The following TENM2 variants were observed in gnomAD, a reference collection of about 807,000 sequenced individuals.
TENM2 encodes teneurin transmembrane protein 2.
TENM2 carries 52 observed loss-of-function variants against 245.2 expected under a neutral mutation model. The ratio of observed to expected loss-of-function variants is 0.21; its 90% CI spans 0.17 to 0.27. The LOEUF is 0.27. Ranked by LOEUF, TENM2 falls within the 10% of genes least tolerant of loss-of-function variation. TENM2 has a pLI of 1.00. For missense variants in TENM2, 3,046 were observed against 3,666.8 expected (o/e 0.83, Z 4.37); for synonymous variants, 1,363 against 1,438.9 (o/e 0.95, Z 1.19).
At chr5:168,131,391 G>A (rs1245420099) in intron 12 of TENM2, among the ~76,000 whole-genome samples, 1 of 152,226 alleles carries the variant, frequency 6.6e-6, no homozygotes, top group Non-Finnish European at 1.5e-5. Flanking sequence ...GTGAGGCTGA[G>A]TGACCTGCCC....
At position 168,247,737 on chromosome 5, in the gene TENM2, C is replaced by T. The variant is rs200885156; in HGVS notation, c.6798C>T (p.Asp2266=). 130 of 1,613,904 alleles carry T rather than the reference C, an allele frequency of 8.1e-5. No homozygotes were observed. Among genetic ancestry groups the T allele is most frequent in the African/African-American group, 7.1e-4 (53 of 75,058 alleles). Residue 2266 remains aspartate (D), a synonymous_variant, in exon 27 of 29, where the codon GAC becomes GAT. Transcript: ENST00000518659. The surrounding 1 kb of genome is among the most constrained non-coding windows in gnomAD (Gnocchi z 7.8). The stretch of plus-strand genomic sequence containing the variant: ...GGGATGTGCAGTACAAAATTGACGA[C>T]GATGGCTATCTGTGCCAGAGAGGGT...
intron 28 of TENM2, 98 bp downstream of exon 30, chr5:168,260,511 C>T: frequency 1.4e-6 from 2 of 1,417,530 alleles, no homozygotes; most frequent in Admixed American, 1.8e-5. Flanking sequence ...CGCAGGAAAA[C>T]ATTGGAGCTG....
intron 1 of TENM2, among the ~76,000 whole-genome samples, chr5:167,350,804 G>T (rs1370735669): frequency 9.8e-5 from 12 of 121,916 alleles, no homozygotes; most frequent in South Asian, 5.4e-4. Context: ...TATATATATG[G>T]GATATATACA....
At chr5:167,419,750 C>A (rs1763381397) in intron 2 of TENM2, among the ~76,000 whole-genome samples, 2 of 152,204 alleles carry the variant, frequency 1.3e-5, no homozygotes, top group African/African-American at 4.8e-5. Flanking sequence ...TATGCAACTT[C>A]TCTTCAGTAA....
chr5:167,388,941 T>G (rs908286189), intron 2 of TENM2, among the ~76,000 whole-genome samples: 1 of 152,060 alleles, frequency 6.6e-6, no homozygotes, highest in Non-Finnish European at 1.5e-5. Context: ...TTCTCCCTTA[T>G]GTTATCAGAG....
the TENM2 span, among the ~76,000 whole-genome samples, chr5:167,191,178 A>G: frequency 6.6e-6 from 1 of 152,106 alleles, no homozygotes; most frequent in Admixed American, 6.6e-5. Context: ...AGGAATATAT[A>G]TATACACCCA....
chr5:167,443,675 G>T (rs1203925616), intron 2 of TENM2, among the ~76,000 whole-genome samples: 1 of 152,132 alleles, frequency 6.6e-6, no homozygotes, highest in Non-Finnish European at 1.5e-5. Flanking sequence ...TGTCCTAAAA[G>T]AGGTGAGGAT....
intron 2 of TENM2, among the ~76,000 whole-genome samples, chr5:167,785,896 A>G (rs1764544322): frequency 6.6e-6 from 1 of 152,180 alleles, no homozygotes; most frequent in Non-Finnish European, 1.5e-5. Flanking sequence ...GCACCTGCCT[A>G]CTTACTTTGT....
intron 1 of TENM2, among the ~76,000 whole-genome samples, chr5:167,359,989 A>C (rs748973301): frequency 3.9e-5 from 6 of 152,168 alleles, no homozygotes; most frequent in Non-Finnish European, 7.3e-5. Context: ...TGAACACAAA[A>C]AAGGGAACGA....
intron 12 of TENM2, among the ~76,000 whole-genome samples, chr5:168,144,530 A>G (rs2152409316): frequency 6.6e-6 from 1 of 151,996 alleles, no homozygotes. Context: ...TTATGGCTGC[A>G]TAGTATTCCA....
At chr5:167,800,742 C>A (rs1765648421) in intron 2 of TENM2, among the ~76,000 whole-genome samples, 1 of 152,132 alleles carries the variant, frequency 6.6e-6, no homozygotes, top group African/African-American at 2.4e-5. Flanking sequence ...CAAGGCCATG[C>A]TGACTGTAAA....
the TENM2 span, among the ~76,000 whole-genome samples, chr5:167,235,591 T>G: frequency 7.9e-5 from 12 of 152,194 alleles, no homozygotes; most frequent in Admixed American, 5.2e-4. Flanking sequence ...TTGATCGCAG[T>G]CTCTCCATCT....
At chr5:167,223,513 G>A in the TENM2 span, among the ~76,000 whole-genome samples, 1 of 152,110 alleles carries the variant, frequency 6.6e-6, no homozygotes, top group South Asian at 2.1e-4. Flanking sequence ...GCTGCAAATG[G>A]CATGATTTCA....
At chr5:167,373,932 A>G (rs114037203) in intron 1 of TENM2, among the ~76,000 whole-genome samples, 221 of 152,310 alleles carry the variant, frequency 1.5e-3, no homozygotes, top group African/African-American at 4.4e-3. Flanking sequence ...ATAAAAACCT[A>G]TTCTCTTTGC....
the TENM2 span, among the ~76,000 whole-genome samples, chr5:167,262,036 ATG>A: frequency 6.6e-6 from 1 of 152,272 alleles, no homozygotes; most frequent in East Asian, 1.9e-4. Context: ...TAAATTCAAC[ATG>A]TGTTTATAAA....
At chr5:167,683,272 C>T (rs1332490486) in intron 2 of TENM2, among the ~76,000 whole-genome samples, 1 of 136,142 alleles carries the variant, frequency 7.3e-6, no homozygotes. Context: ...CCCCCCTGGG[C>T]ATCAGAAATA....
chr5:167,339,966 A>T (rs1338822352), intron 1 of TENM2, among the ~76,000 whole-genome samples: 1 of 152,234 alleles, frequency 6.6e-6, no homozygotes. Flanking sequence ...TCTGTGCTTT[A>T]TAAATTACCC....
chr5:167,646,709 C>T (rs1333510190), intron 2 of TENM2, among the ~76,000 whole-genome samples: 1 of 151,700 alleles, frequency 6.6e-6, no homozygotes, highest in African/African-American at 2.4e-5. Context: ...ATATGTCCCC[C>T]CATCTTATCA....
At chr5:167,403,132 A>AGT (rs1762450584) in intron 2 of TENM2, among the ~76,000 whole-genome samples, 3 of 151,488 alleles carry the variant, frequency 2.0e-5, no homozygotes, top group Admixed American at 2.0e-4. Context: ...CACATATGTG[A>AGT]GTGTGTGTGT....
Sources: allele counts gnomAD v4.1 joint callset (sites outside exome capture counted in the v4.1 genomes callset), GRCh38; gene constraint gnomAD v4.1.1; non-coding constraint Gnocchi (gnomAD v3.1); transcripts MANE v1.5; gene names NCBI Gene and HGNC (gene_info 2026-07-23, HGNC 2026-07-21).